Variants in LHB observed in about 807,000 individuals in gnomAD.
LHB encodes lutropin subunit beta.
A neutral mutation model predicts 10.6 loss-of-function variants in LHB; 11 were observed. The ratio of observed to expected loss-of-function variants is 1.04; its 90% CI spans 0.66 to 1.72. The LOEUF is 1.72. LHB is among the 40% of genes most tolerant of loss of function. The probability of loss-of-function intolerance (pLI) is 0.00; values close to 1 mark genes in which losing one functional copy is unlikely to be tolerated. For synonymous variants in LHB, 86 were observed against 83.1 expected, an observed-to-expected ratio of 1.03 and a Z score of -0.19; for missense variants, 184 against 197.3, an observed-to-expected ratio of 0.93 and a Z score of 0.41.
rs372584403 is a variant in LHB, at chr19:49,016,304, C to T, written c.190G>A (p.Val64Met). 5 of 1,610,810 alleles carry T rather than the reference C, an allele frequency of 3.1e-6. No individual in the cohort carries two copies. Among genetic ancestry groups the T allele is most frequent in the African/African-American group, 1.3e-5 (1 of 74,854 alleles). Residue 64 changes from valine to methionine, a missense_variant, in exon 3 of 3, where the codon GTG (valine) becomes ATG (methionine). Coordinates refer to ENST00000649238, the MANE Select transcript of LHB (RefSeq NM_000894.3). Reference protein sequence around the residue: ...CAGYCPTMMRVLQAVLPPLPQ... With the variant: ...CAGYCPTMMRMLQAVLPPLPQ... ...AGGGGCGGCAGGACCGCCTGCAGCA[C>T]GCGCATCTGGAGGCCGTGTGAGTGG... is the stretch of plus-strand genomic sequence containing the variant.
rs189656791 is a variant in LHB, at chr19:49,016,012, C to T, written c.*56G>A. The T allele has an allele frequency of 1.2e-4, 189 of 1,614,058 alleles. No homozygotes were observed. The highest frequency in any genetic ancestry group is 1.7e-4 in the Middle Eastern group (1 of 6,000). On this transcript the variant is annotated 3_prime_UTR_variant, in exon 3 of 3. Transcript: ENST00000649238. ...TGAGAAGCCTTTATTGTGGGAGGATCGGGGTGTCAGGGCTCCAGGAGTCGG... is the reference window on the plus strand; with the variant it reads ...TGAGAAGCCTTTATTGTGGGAGGATTGGGGTGTCAGGGCTCCAGGAGTCGG...
At chr19:49,017,774 T>A, upstream of LHB, 2 of 406,984 alleles carry the variant, frequency 4.9e-6, no homozygotes, top group Non-Finnish European at 8.6e-6. Flanking sequence ...AAGGACATTA[T>A]CTGGACTTAG....
chr19:49,016,222 C>G lies in LHB; in HGVS notation c.272G>C (p.Gly91Ala), dbSNP rs756933264. 1 of 1,612,528 alleles carries G rather than the reference C, an allele frequency of 6.2e-7. No individual in the cohort carries two copies. Among genetic ancestry groups the G allele is most frequent in the East Asian group, 2.2e-5 (1 of 44,880 alleles). Residue 91 changes from glycine (G) to alanine (A), a missense_variant, in exon 3 of 3, where the codon GGC (glycine) becomes GCC (alanine). Transcript: ENST00000649238. ...CACGGGGTCCACACCACGCGGGCAG[C>G]CAGGGAGCCGGATGGACTCGAAGCG... ...DVRFESIRLP[G>A]CPRGVDPVVS...
rs530557456 is a variant in LHB, at chr19:49,016,778, C to T, written c.16-64G>A. ...CAGCCCCGAGTCCTGGCCTTCCCAT[C>T]CCGCGTGGTACACCACCCACAAAGA... On this transcript the variant is annotated intron_variant, in intron 1 of 2. Coordinates refer to ENST00000649238, the MANE Select transcript of LHB (RefSeq NM_000894.3). The T allele has an allele frequency of 1.1e-5, 17 of 1,603,612 alleles. No individual in the cohort carries two copies. The South Asian group carries it at 1.5e-4, about 15-fold the overall frequency.
chr19:49,019,192 C>T (rs758500556), upstream of LHB: 29 of 1,406,672 alleles, frequency 2.1e-5, no homozygotes, highest in African/African-American at 2.9e-5. Context: ...CTTTCTCATA[C>T]CCGAACCCTT....
At chr19:49,018,048 G>A (rs1248154970), upstream of LHB, 8 of 398,612 alleles carry the variant, frequency 2.0e-5, no homozygotes, top group African/African-American at 4.1e-5. Context: ...ATGCCCCGCA[G>A]GGGCTTCCAG....
upstream of LHB, chr19:49,018,085 C>T (rs1236228260): frequency 1.8e-5 from 7 of 398,676 alleles, no homozygotes; most frequent in East Asian, 1.8e-4. Flanking sequence ...GCGCCTCCAG[C>T]GGGCAGAAGC....
Position 49,016,157 on chromosome 19 carries a change from AGGGT to A in LHB, c.333_336del (p.Pro112AlafsTer16), listed in dbSNP as rs2039547108. 3 of 1,612,620 alleles carry A rather than the reference AGGGT, an allele frequency of 1.9e-6. No individual in the cohort carries two copies. Among genetic ancestry groups the A allele is most frequent in the Non-Finnish European group, 1.7e-6 (2 of 1,180,008 alleles). ...CCACAGTCAGAGGTGCTGCGGCGGC[AGGGT>A]CCACAGCGACAGCTGAGAGCCACAG... is the stretch of plus-strand genomic sequence containing the variant. On this transcript the variant is annotated frameshift_variant, in exon 3 of 3. Coordinates refer to ENST00000649238, the MANE Select transcript of LHB (RefSeq NM_000894.3). LOFTEE classifies it high-confidence loss of function.
chr19:49,018,775 C>T, upstream of LHB: 3 of 1,066,286 alleles, frequency 2.8e-6, no homozygotes, highest in Non-Finnish European at 4.1e-6. Flanking sequence ...AGGCTGAGAC[C>T]ACCGGCTCAG....
upstream of LHB, chr19:49,019,309 C>T: frequency 8.3e-7 from 1 of 1,201,570 alleles, no homozygotes; most frequent in South Asian, 3.1e-5. Context: ...TGTCTTAAAC[C>T]GTCTTGGTGT....
upstream of LHB, chr19:49,018,763 C>T: frequency 3.2e-6 from 3 of 950,230 alleles, no homozygotes; most frequent in Non-Finnish European, 4.7e-6. Flanking sequence ...CTACAGAAGT[C>T]GAGGCTGAGA....
Position 49,016,235 on chromosome 19 carries a change from T to G in LHB, c.259A>C (p.Ile87Leu). Reference protein sequence around the residue: ...CTYRDVRFESIRLPGCPRGVD... With the variant: ...CTYRDVRFESLRLPGCPRGVD... ...CCACGCGGGCAGCCAGGGAGCCGGA[T>G]GGACTCGAAGCGCACATCACGGTAG... Residue 87 changes from isoleucine to leucine, a missense_variant, in exon 3 of 3, where the codon ATC becomes CTC. Transcript: ENST00000649238. The G allele has an allele frequency of 6.2e-7, 1 of 1,612,414 alleles. No individual in the cohort carries two copies. The highest frequency in any genetic ancestry group is 1.1e-5 in the South Asian group (1 of 91,012).
At chr19:49,019,412 C>T (rs949132847), upstream of LHB, 4 of 1,259,058 alleles carry the variant, frequency 3.2e-6, no homozygotes, top group Admixed American at 3.9e-5. Flanking sequence ...CTAGTCTCCT[C>T]CCCACCCACA....
At chr19:49,019,487 C>G (rs1408689136), upstream of LHB, 2 of 1,204,592 alleles carry the variant, frequency 1.7e-6, no homozygotes, top group Non-Finnish European at 2.1e-6. Context: ...CCTGGTCCTT[C>G]TGGCCTGGCC....
chr19:49,018,992 A>G (rs1029528002), upstream of LHB: 18 of 1,532,544 alleles, frequency 1.2e-5, no homozygotes, highest in East Asian at 2.4e-5. Flanking sequence ...TCGTCCAGGC[A>G]ATTAGAGCCT....
chr19:49,016,770 C>T (rs764307700), intron 1 of LHB, 56 bp from the exon 2 acceptor site: 2 of 1,604,788 alleles, frequency 1.2e-6, no homozygotes, highest in Non-Finnish European at 1.7e-6. Context: ...GAGTCCTGGC[C>T]TTCCCATCCC....
rs1462517320 is a variant in LHB at position 49,016,016 on chromosome 19, G to A, written c.*52C>T. The A allele has an allele frequency of 6.2e-7, 1 of 1,614,094 alleles. No homozygotes were observed. The highest frequency in any genetic ancestry group is 1.7e-5 in the Admixed American group (1 of 60,020). On this transcript the variant is annotated 3_prime_UTR_variant, in exon 3 of 3. Coordinates refer to ENST00000649238, the MANE Select transcript of LHB (RefSeq NM_000894.3). ...AAGCCTTTATTGTGGGAGGATCGGG[G>A]TGTCAGGGCTCCAGGAGTCGGGATG...
intron 2 of LHB, 86 bp from the exon 3 acceptor site, chr19:49,016,396 A>G (rs995542426): frequency 4.4e-6 from 7 of 1,599,742 alleles, no homozygotes; most frequent in Non-Finnish European, 5.9e-6. Context: ...CAGGTCCTGG[A>G]CTCAGGAGCC....
At chr19:49,018,337 C>T (rs2039591925), upstream of LHB, 26 of 1,218,278 alleles carry the variant, frequency 2.1e-5, no homozygotes, top group Non-Finnish European at 2.4e-5. Context: ...CGGACAGCTC[C>T]GTCCTGTGGG....
Sources: allele counts gnomAD v4.1 joint callset, GRCh38; gene constraint gnomAD v4.1.1; transcripts MANE v1.5; gene names NCBI Gene and HGNC (gene_info 2026-07-23, HGNC 2026-07-21).